The following TIMM22 variants were observed in gnomAD, a reference collection of about 807,000 sequenced individuals.
TIMM22 encodes mitochondrial import inner membrane translocase subunit Tim22.
TIMM22 carries 12 observed loss-of-function variants against 18.3 expected under a neutral mutation model. That is an observed-to-expected ratio of 0.65 (90% CI 0.42 to 1.06). TIMM22 has a LOEUF of 1.06. Among genes scored for constraint, TIMM22 ranks in the 50% least tolerant of loss-of-function variants. The pLI is 0.00. For synonymous variants in TIMM22, 107 were observed against 98.5 expected, an observed-to-expected ratio of 1.09 and a Z score of -0.51; for missense variants, 278 against 252.8, an observed-to-expected ratio of 1.10 and a Z score of -0.68.
In TIMM22 at chr17:1,001,150, A is replaced by C; in HGVS notation, c.*62A>C. 6.4e-7 allele frequency: 1 copy of C among 1,564,382 alleles called. No individual in the cohort carries two copies. The highest frequency in any genetic ancestry group is 8.8e-7 in the Non-Finnish European group (1 of 1,137,204). On this transcript the variant is annotated 3_prime_UTR_variant, in exon 4 of 4. Coordinates refer to ENST00000327158, the MANE Select transcript of TIMM22 (RefSeq NM_013337.4). ...GGATCCGGGCTGCTCTCTGGAGGAC[A>C]GTTTCTGTACCACACCAGGGCCTTG...
chr17:999,322 A>ACT (rs2069716378), intron 2 of TIMM22, among the ~76,000 whole-genome samples, 190 bp from the exon 3 acceptor site: 1 of 46,746 alleles, frequency 2.1e-5, no homozygotes, highest in African/African-American at 1.0e-4. Context: ...ATGAACGCAT[A>ACT]CTATATATAT....
Position 1,001,130 on chromosome 17 carries a change from C to G in TIMM22, c.*42C>G. ...GGAAGGATGATGCCAGCCCCGGATC[C>G]GGGCTGCTCTCTGGAGGACAGTTTC... On this transcript the variant is annotated 3_prime_UTR_variant, in exon 4 of 4. Transcript: ENST00000327158. 6.2e-7 allele frequency: 1 copy of G among 1,605,744 alleles called. No homozygotes were observed. The highest frequency in any genetic ancestry group is 8.5e-7 in the Non-Finnish European group (1 of 1,173,920).
Position 997,376 on chromosome 17 carries a change from G to GGGAGGTGA in TIMM22, c.237_238+6dup, listed in dbSNP as rs780356722. 1.2e-6 allele frequency: 2 copies of GGGAGGTGA among 1,612,390 alleles called. No homozygotes were observed. Among genetic ancestry groups the GGGAGGTGA allele is most frequent in the Non-Finnish European group, 1.7e-6 (2 of 1,179,202 alleles). ...CTTTCAAGGCTGCGCTGGCCTGCGT[G>GGGAGGTGA]GGAGGTGAGGCCGGGCGATGGGACC... On this transcript the variant is annotated frameshift_variant, in exon 1 of 4. Transcript: ENST00000327158. LOFTEE classifies it high-confidence loss of function.
chr17:1,000,071 T>TTTTTTTTTA (rs2069728260), intron 3 of TIMM22, among the ~76,000 whole-genome samples: 1 of 151,758 alleles, frequency 6.6e-6, no homozygotes. Context: ...AGCTAATTTT[T>TTTTTTTTTA]ATTTTTTTAG....
At chr17:998,716 G>A (rs1005377031) in intron 1 of TIMM22, 63 bp from the exon 2 acceptor site, 5 of 1,542,202 alleles carry the variant, frequency 3.2e-6, no homozygotes, top group Non-Finnish European at 3.5e-6. Flanking sequence ...CTTCCAGGAT[G>A]ATCCCAATAG....
chr17:997,335 G>T lies in TIMM22; in HGVS notation c.193G>T (p.Ala65Ser). 1 of 1,613,858 alleles carries T rather than the reference G, an allele frequency of 6.2e-7. No individual in the cohort carries two copies. Among genetic ancestry groups the T allele is most frequent in the South Asian group, 1.1e-5 (1 of 91,054 alleles). Reference protein sequence around the residue: ...KSEEQKMIEKAMESCAFKAAL... With the variant: ...KSEEQKMIEKSMESCAFKAAL... Reference sequence around the variant, plus strand: ...TGAGGAGCAGAAGATGATCGAGAAGGCGATGGAAAGCTGCGCTTTCAAGGC... The same window carrying T: ...TGAGGAGCAGAAGATGATCGAGAAGTCGATGGAAAGCTGCGCTTTCAAGGC... The change falls in exon 1 of 4, where the codon GCG becomes TCG. Residue 65 changes from alanine to serine, a missense_variant. Transcript: ENST00000327158.
Position 997,272 on chromosome 17 carries a change from C to T in TIMM22, c.130C>T (p.Pro44Ser). The change falls in exon 1 of 4, where the codon CCT becomes TCT. Residue 44 changes from proline (P) to serine (S), a missense_variant. Transcript: ENST00000327158. Reference protein sequence around the residue: ...GDKRQPRLLEPGSLGGIPSPA... With the variant: ...GDKRQPRLLESGSLGGIPSPA... Reference sequence around the variant, plus strand: ...CAAGCGTCAGCCCCGGCTCCTGGAGCCTGGGAGCCTGGGCGGGATCCCAAG... The same window carrying T: ...CAAGCGTCAGCCCCGGCTCCTGGAGTCTGGGAGCCTGGGCGGGATCCCAAG... The T allele has an allele frequency of 6.2e-7, 1 of 1,613,610 alleles. No homozygotes were observed.
chr17:999,005 T>G (rs774239575), intron 2 of TIMM22, 30 bp downstream of exon 2: 2 of 1,580,358 alleles, frequency 1.3e-6, no homozygotes, highest in Non-Finnish European at 1.7e-6. Context: ...AAGAAATCCT[T>G]GCTGGGGCCA....
chr17:999,222 C>G (rs1409651118), intron 2 of TIMM22, among the ~76,000 whole-genome samples: 1 of 151,282 alleles, frequency 6.6e-6, no homozygotes, highest in East Asian at 1.9e-4. Context: ...TTAAACGAGA[C>G]TTATTGGAGA....
intron 1 of TIMM22, among the ~76,000 whole-genome samples, chr17:997,615 C>T (rs896825582): frequency 6.6e-6 from 1 of 152,190 alleles, no homozygotes; most frequent in Non-Finnish European, 1.5e-5. Context: ...TATTACATGA[C>T]ATCCTGGCTA....
chr17:998,638 C>T, intron 1 of TIMM22, 141 bp from the exon 2 acceptor site: 1 of 744,186 alleles, frequency 1.3e-6, no homozygotes, highest in South Asian at 2.3e-5. Context: ...AGTCTCCAGG[C>T]AAGTGGAGAG....
rs2069711988 is a variant in TIMM22, at chr17:998,887, A to G, written c.347A>G (p.Lys116Arg). The part of the protein sequence containing the change: ...YRTPTAKEVL[K>R]DMGQRGMSYA... ...ACACCGACTGCAAAAGAAGTGCTGA[A>G]AGACATGGGGCAGAGAGGAATGTCC... The change falls in exon 2 of 4, where the codon AAA (lysine) becomes AGA (arginine). Residue 116 changes from lysine to arginine, a missense_variant. Lys to Arg is a conservative substitution (Grantham distance 26, BLOSUM62 2). Transcript: ENST00000327158. 1 of 1,614,172 alleles carries G rather than the reference A, an allele frequency of 6.2e-7. No homozygotes were observed. The highest frequency in any genetic ancestry group is 1.6e-4 in the Middle Eastern group (1 of 6,062).
At chr17:999,720 G>A in intron 3 of TIMM22, 136 bp downstream of exon 3, 1 of 912,390 alleles carries the variant, frequency 1.1e-6, no homozygotes, top group Non-Finnish European at 1.7e-6. Flanking sequence ...TTGTTTCTGT[G>A]GTAACTCGGT....
chr17:1,002,831 G>A lies in TIMM22; in HGVS notation c.*1743G>A, dbSNP rs1336641096. ...GAGATGCTGCCCTCACAACAGCCTT[G>A]GAAAAGATGAGCGCCAGGGCTGTCA... On this transcript the variant is annotated 3_prime_UTR_variant, in exon 4 of 4. Coordinates refer to ENST00000327158, the MANE Select transcript of TIMM22 (RefSeq NM_013337.4). 1.3e-5 allele frequency: 2 copies of A among 152,144 alleles called. No homozygotes were observed. The highest frequency in any genetic ancestry group is 6.6e-5 in the Admixed American group (1 of 15,266). 9.4% of individuals were successfully genotyped at this position (152,144 alleles called of 1,614,324 possible). A position where few individuals can be genotyped will look rare whatever the true frequency, so the allele number is the denominator to read the frequency against.
chr17:997,703 T>C (rs1222662399), intron 1 of TIMM22, among the ~76,000 whole-genome samples: 1 of 152,060 alleles, frequency 6.6e-6, no homozygotes, highest in African/African-American at 2.4e-5. Context: ...GTCCCAGCTA[T>C]TCGGGAGGTT....
chr17:1,001,135 TGCTCTCTGGAGGA>T lies in TIMM22; in HGVS notation c.*48_*60del, dbSNP rs1567540267. 1 of 1,595,076 alleles carries T rather than the reference TGCTCTCTGGAGGA, an allele frequency of 6.3e-7. No individual in the cohort carries two copies. ...GATGATGCCAGCCCCGGATCCGGGC[TGCTCTCTGGAGGA>T]CAGTTTCTGTACCACACCAGGGCCT... On this transcript the variant is annotated 3_prime_UTR_variant, in exon 4 of 4. Coordinates refer to ENST00000327158, the MANE Select transcript of TIMM22 (RefSeq NM_013337.4).
intron 3 of TIMM22, among the ~76,000 whole-genome samples, chr17:1,000,556 C>T (rs1322765885): frequency 6.6e-6 from 1 of 152,092 alleles, no homozygotes; most frequent in Non-Finnish European, 1.5e-5. Flanking sequence ...TGGTTTTGCT[C>T]CTCAAGCACC....
In TIMM22 at chr17:997,155, G is replaced by A. The variant is rs573352348; in HGVS notation, c.13G>A (p.Ala5Thr). MAAA[A>T]PNAGGSAPET... Reference sequence around the variant, plus strand: ...GGCAGCGACTGTCATGGCGGCGGCCGCCCCCAATGCCGGAGGCTCGGCCCC... The same window carrying A: ...GGCAGCGACTGTCATGGCGGCGGCCACCCCCAATGCCGGAGGCTCGGCCCC... The change falls in exon 1 of 4, where the codon GCC (alanine) becomes ACC (threonine). Residue 5 changes from alanine to threonine, a missense_variant. Transcript: ENST00000327158. 1.2e-5 allele frequency: 20 copies of A among 1,608,040 alleles called. No homozygotes were observed. Among genetic ancestry groups the A allele is most frequent in the South Asian group, 9.9e-5 (9 of 90,888 alleles).
At chr17:999,358 T>TATATATATATATATATATATATATACAC (rs1408779709) in intron 2 of TIMM22, among the ~76,000 whole-genome samples, 154 bp from the exon 3 acceptor site, 4 of 132,600 alleles carry the variant, frequency 3.0e-5, no homozygotes, top group African/African-American at 1.3e-4. Context: ...TATATATATA[T>TATATATATATATATATATATATATACAC]ACACGCTGTA....
Sources: gnomAD v4.1 joint callset for allele counts (sites outside exome capture counted in the v4.1 genomes callset) on GRCh38, gnomAD v4.1.1 for gene constraint, MANE v1.5 for transcripts, NCBI Gene and HGNC (gene_info 2026-07-23, HGNC 2026-07-21) for gene names.